The following NUDCD1 variants were observed in gnomAD, a reference collection of about 807,000 sequenced individuals.
NUDCD1 encodes nudC domain-containing protein 1.
Under a neutral mutation model 67.8 loss-of-function variants are expected in NUDCD1, and 60 were observed. The ratio of observed to expected loss-of-function variants is 0.88; its 90% CI spans 0.72 to 1.10. NUDCD1 has a LOEUF of 1.10. Ranked by LOEUF, NUDCD1 falls within the 50% of genes least tolerant of loss-of-function variation. The pLI is 0.00. For synonymous variants in NUDCD1, 244 were observed against 230.8 expected (o/e 1.06, Z -0.52); for missense variants, 643 against 695.0 (o/e 0.93, Z 0.84).
At chr8:109,271,171 TAAAC>T in intron 7 of NUDCD1, 41 bp from the exon 8 acceptor site, 1 of 1,372,848 alleles carries the variant, frequency 7.3e-7, no homozygotes, top group African/African-American at 1.5e-5. Flanking sequence ...GTAAAACAAA[TAAAC>T]AAGGGAATGG....
At chr8:109,300,064 G>A (rs975250805) in intron 2 of NUDCD1, among the ~76,000 whole-genome samples, 3 of 152,188 alleles carry the variant, frequency 2.0e-5, no homozygotes, top group African/African-American at 7.2e-5. Context: ...AGACTACTAC[G>A]TCAAGGGAAC....
At chr8:109,301,078 G>A (rs1814976678) in intron 2 of NUDCD1, among the ~76,000 whole-genome samples, 1 of 152,200 alleles carries the variant, frequency 6.6e-6, no homozygotes, top group Non-Finnish European at 1.5e-5. Context: ...CCAAGCCACT[G>A]TCAGGTCTCT....
At chr8:109,289,657 GC>G (rs1814657556) in intron 5 of NUDCD1, 93 bp downstream of exon 5, 2 of 622,670 alleles carry the variant, frequency 3.2e-6, no homozygotes, top group Admixed American at 7.2e-5. Flanking sequence ...CATCTATCTT[GC>G]CCTTGTAGAA....
chr8:109,329,020 A>C (rs559499965), intron 1 of NUDCD1, among the ~76,000 whole-genome samples: 1 of 152,342 alleles, frequency 6.6e-6, no homozygotes, highest in South Asian at 2.1e-4. Context: ...CAACATAAGT[A>C]AGTAGAAGCA....
Position 109,275,387 on chromosome 8 carries a change from C to G in NUDCD1, c.1138G>C (p.Ala380Pro), listed in dbSNP as rs1461842372. The G allele has an allele frequency of 6.2e-7, 1 of 1,613,646 alleles. No individual in the cohort carries two copies. The highest frequency in any genetic ancestry group is 8.5e-7 in the Non-Finnish European group (1 of 1,179,680). ...GAGGTCAAATGCATCAAACGTTCAG[C>G]TATTGCAGCACACTGGGCTGAATCT... is the stretch of plus-strand genomic sequence containing the variant. ...IRDSAQCAAI[A>P]ERLMHLTSEE... The change falls in exon 7 of 10, where the codon GCT becomes CCT. Residue 380 changes from alanine to proline, a missense_variant. By Grantham distance (27) the Ala-to-Pro change is conservative (BLOSUM62 -1). Transcript: ENST00000239690.
chr8:109,325,820 C>T (rs914616033), intron 1 of NUDCD1, among the ~76,000 whole-genome samples: 1 of 152,044 alleles, frequency 6.6e-6, no homozygotes, highest in Non-Finnish European at 1.5e-5. Context: ...CTTATAACTA[C>T]AATATGGAAA....
intron 8 of NUDCD1, among the ~76,000 whole-genome samples, chr8:109,245,716 T>A (rs564911190): frequency 6.6e-6 from 1 of 152,328 alleles, no homozygotes; most frequent in South Asian, 2.1e-4. Context: ...ATGGTCAGCC[T>A]GGCCATAAGT....
intron 2 of NUDCD1, among the ~76,000 whole-genome samples, chr8:109,296,884 C>G (rs1814856306): frequency 6.6e-6 from 1 of 152,134 alleles, no homozygotes; most frequent in Non-Finnish European, 1.5e-5. Context: ...ATGGACAGAC[C>G]CACATGGGGA....
chr8:109,246,112 G>A (rs1191000860), intron 8 of NUDCD1, among the ~76,000 whole-genome samples: 4 of 152,150 alleles, frequency 2.6e-5, no homozygotes, highest in African/African-American at 9.7e-5. Context: ...ACAGGCCCAT[G>A]GAAAAACTGT....
intron 2 of NUDCD1, among the ~76,000 whole-genome samples, chr8:109,308,840 C>T (rs985743951): frequency 6.6e-6 from 1 of 151,904 alleles, no homozygotes; most frequent in Non-Finnish European, 1.5e-5. Flanking sequence ...GGCATGGTGG[C>T]AGGCAAATGT....
In NUDCD1 at chr8:109,255,743, C is replaced by A. The variant is rs1813720822; in HGVS notation, c.1300-10262G>T. Among the ~76,000 whole-genome samples, 6 of 147,964 alleles carry A rather than the reference C, an allele frequency of 4.1e-5. No individual in the cohort carries two copies. The South Asian group carries it at 1.3e-3, about 32-fold the overall frequency. On this transcript the variant is annotated intron_variant, in intron 8 of 9. Transcript: ENST00000239690. ...AATGTGGTTATGTTTTAATAGGGGACAAAAGACAACATGAACAGAGGTAAA... is the reference window on the plus strand; with the variant it reads ...AATGTGGTTATGTTTTAATAGGGGAAAAAAGACAACATGAACAGAGGTAAA...
intron 2 of NUDCD1, among the ~76,000 whole-genome samples, chr8:109,300,732 T>C (rs1014975974): frequency 6.6e-6 from 1 of 152,096 alleles, no homozygotes; most frequent in Non-Finnish European, 1.5e-5. Context: ...GACATCCAAA[T>C]ACAAGAAGCA....
At chr8:109,249,128 A>ACTTTCC in intron 8 of NUDCD1, among the ~76,000 whole-genome samples, 1 of 152,336 alleles carries the variant, frequency 6.6e-6, no homozygotes, top group African/African-American at 2.4e-5. Flanking sequence ...CCTTATAAAT[A>ACTTTCC]TGGTAACTAC....
chr8:109,267,817 C>A (rs75697628), intron 8 of NUDCD1, among the ~76,000 whole-genome samples: 3,698 of 152,180 alleles, frequency 0.024, 141 homozygotes, highest in African/African-American at 0.084. Flanking sequence ...GAGGATAGAA[C>A]CTGCTTACCA....
intron 8 of NUDCD1, among the ~76,000 whole-genome samples, chr8:109,265,543 T>A (rs1813974871): frequency 6.6e-6 from 1 of 152,206 alleles, no homozygotes; most frequent in Admixed American, 6.5e-5. Flanking sequence ...AGAATTATTT[T>A]CTGTTTGTAA....
rs1372726774 is a variant in NUDCD1, at chr8:109,242,338, A to G, written c.*671T>C. 1.0e-5 allele frequency: 4 copies of G among 391,042 alleles called. No individual in the cohort carries two copies. The highest frequency in any genetic ancestry group is 1.8e-5 in the Non-Finnish European group (4 of 221,612). 24.2% of individuals were successfully genotyped at this position (391,042 alleles called of 1,614,324 possible). ...ACAGCAGAGACAGCCAACTCACTGA[A>G]TCGTGAAAAATAATAAAAGTCCTTG... On this transcript the variant is annotated 3_prime_UTR_variant, in exon 10 of 10. Coordinates refer to ENST00000239690, the MANE Select transcript of NUDCD1 (RefSeq NM_032869.4).
At chr8:109,301,878 A>T (rs1814999257) in intron 2 of NUDCD1, among the ~76,000 whole-genome samples, 1 of 152,114 alleles carries the variant, frequency 6.6e-6, no homozygotes, top group Non-Finnish European at 1.5e-5. Context: ...ATTCACCCAC[A>T]CTCCATTGGT....
chr8:109,280,944 TA>T, intron 6 of NUDCD1, 23 bp downstream of exon 6: 1 of 1,103,238 alleles, frequency 9.1e-7, no homozygotes, highest in Non-Finnish European at 1.2e-6. Flanking sequence ...AATAGAATAT[TA>T]AAGTAAAATT....
intron 1 of NUDCD1, among the ~76,000 whole-genome samples, chr8:109,331,312 C>T (rs754014397): frequency 6.6e-6 from 1 of 151,170 alleles, no homozygotes. Flanking sequence ...CCAGCCTCAA[C>T]GACAGAGACT....
Sources: allele counts gnomAD v4.1 joint callset (sites outside exome capture counted in the v4.1 genomes callset), GRCh38; gene constraint gnomAD v4.1.1; transcripts MANE v1.5; gene names NCBI Gene and HGNC (gene_info 2026-07-23, HGNC 2026-07-21).